Variants in PRICKLE2 observed in about 807,000 individuals in gnomAD.
PRICKLE2 encodes the protein prickle planar cell polarity protein 2.
In PRICKLE2, 21 loss-of-function variants were observed where a neutral mutation model predicts 81.4. The observed-to-expected ratio is 0.26, with a 90% CI of 0.18 to 0.37. PRICKLE2 has a LOEUF of 0.37. PRICKLE2 is among the 10% of genes least tolerant of loss of function. The pLI, the probability that PRICKLE2 is intolerant of heterozygous loss-of-function variation, is 1.00. For synonymous variants in PRICKLE2, 456 were observed against 421.5 expected, an observed-to-expected ratio of 1.08 and a Z score of -1.00; for missense variants, 940 against 1,109.0, an observed-to-expected ratio of 0.85 and a Z score of 2.16.
chr3:64,164,195 G>A (rs1056228124), intron 2 of PRICKLE2, among the ~76,000 whole-genome samples: 12 of 152,046 alleles, frequency 7.9e-5, no homozygotes, highest in Non-Finnish European at 1.8e-4. Context: ...TGGCCAACAC[G>A]GTGAAACCCC....
intron 2 of PRICKLE2, among the ~76,000 whole-genome samples, chr3:64,246,112 C>T (rs1034568448): frequency 3.3e-5 from 5 of 151,962 alleles, no homozygotes; most frequent in Admixed American, 1.3e-4. Context: ...TGTAGTGGTG[C>T]GTGCCTGTAG....
intron 2 of PRICKLE2, among the ~76,000 whole-genome samples, chr3:64,255,045 C>A (rs964157248): frequency 6.6e-6 from 1 of 152,134 alleles, no homozygotes; most frequent in Non-Finnish European, 1.5e-5. Flanking sequence ...GTAGAAGGAA[C>A]CTGAAAGCGC....
Position 64,095,660 on chromosome 3 carries a change from T to C in PRICKLE2, c.*3391A>G, listed in dbSNP as rs2076562357. 6.6e-6 allele frequency: 1 copy of C among 152,248 alleles called. No homozygotes were observed. The highest frequency in any genetic ancestry group is 1.5e-5 in the Non-Finnish European group (1 of 68,056). The allele number at this position is 152,248 out of a possible 1,614,324, so 9.4% of individuals were successfully genotyped here. ...GAAGGAAGAAAACATAATCTTGTTA[T>C]AGTGCAGGAACATCCTACAGGAAAT... On this transcript the variant is annotated 3_prime_UTR_variant, in exon 8 of 8. Coordinates refer to ENST00000638394, the MANE Select transcript of PRICKLE2 (RefSeq NM_198859.4).
At chr3:64,216,871 C>T (rs2078880129) in intron 1 of PRICKLE2, among the ~76,000 whole-genome samples, 1 of 152,216 alleles carries the variant, frequency 6.6e-6, no homozygotes. Flanking sequence ...CCAACCTCCA[C>T]AGGATGCAAG....
intron 1 of PRICKLE2, among the ~76,000 whole-genome samples, chr3:64,221,776 C>A (rs1390385981): frequency 6.6e-6 from 1 of 152,146 alleles, no homozygotes; most frequent in Non-Finnish European, 1.5e-5. Flanking sequence ...TTACAGACAG[C>A]ACAGAAGAAA....
At chr3:64,211,493 T>C (rs1224812686) in intron 1 of PRICKLE2, among the ~76,000 whole-genome samples, 1 of 152,212 alleles carries the variant, frequency 6.6e-6, no homozygotes, top group Non-Finnish European at 1.5e-5. Context: ...TAAGGGATGA[T>C]GTTTGCAATT....
intron 2 of PRICKLE2, among the ~76,000 whole-genome samples, chr3:64,245,931 G>C (rs369110878): frequency 6.6e-6 from 1 of 151,978 alleles, no homozygotes; most frequent in African/African-American, 2.4e-5. Context: ...TTTTCCTATC[G>C]GTTTGAGCTC....
chr3:64,114,816 T>C (rs1391431268), intron 7 of PRICKLE2, among the ~76,000 whole-genome samples: 1 of 152,164 alleles, frequency 6.6e-6, no homozygotes, highest in Non-Finnish European at 1.5e-5. Flanking sequence ...ATATCATTCA[T>C]GAGAACTTCC....
chr3:64,114,769 G>A (rs2076908902), intron 7 of PRICKLE2, among the ~76,000 whole-genome samples: 2 of 152,108 alleles, frequency 1.3e-5, no homozygotes, highest in African/African-American at 4.8e-5. Context: ...TGAAAGAGAT[G>A]GGGAGAATGG....
chr3:64,135,609 A>G (rs1306938650), intron 7 of PRICKLE2, among the ~76,000 whole-genome samples: 1 of 152,050 alleles, frequency 6.6e-6, no homozygotes, highest in African/African-American at 2.4e-5. Context: ...GCTGCCTCCC[A>G]GAGATGTGTG....
rs536486845 is a variant in PRICKLE2, at chr3:64,098,813, C to A, written c.*238G>T. ...ACTGATGGGAAGGAAGTGACCAAGCCTGGCCTCGATAGAGTCTACTGTGTT... is the reference window on the plus strand; with the variant it reads ...ACTGATGGGAAGGAAGTGACCAAGCATGGCCTCGATAGAGTCTACTGTGTT... On this transcript the variant is annotated 3_prime_UTR_variant, in exon 8 of 8. Transcript: ENST00000638394. 4 of 549,410 alleles carry A rather than the reference C, an allele frequency of 7.3e-6. No homozygotes were observed. Among genetic ancestry groups the A allele is most frequent in the Non-Finnish European group, 9.8e-6 (3 of 305,916 alleles). The allele number at this position is 549,410 out of a possible 1,614,324, so 34.0% of individuals were successfully genotyped here.
intron 7 of PRICKLE2, among the ~76,000 whole-genome samples, chr3:64,123,810 CA>C (rs1469168300): frequency 1.3e-5 from 2 of 152,144 alleles, no homozygotes; most frequent in Non-Finnish European, 2.9e-5. Context: ...TCCACTGACC[CA>C]CCATTCCCCC....
chr3:64,188,569 C>G (rs537257306), intron 2 of PRICKLE2, among the ~76,000 whole-genome samples: 201 of 152,122 alleles, frequency 1.3e-3, no homozygotes, highest in Non-Finnish European at 2.1e-3. Context: ...AACCACGGGA[C>G]GAGGCAGACC....
intron 1 of PRICKLE2, among the ~76,000 whole-genome samples, chr3:64,207,885 C>T (rs1175491787): frequency 6.6e-6 from 1 of 152,194 alleles, no homozygotes; most frequent in Non-Finnish European, 1.5e-5. Context: ...GCTGCGATAA[C>T]TTACATCACT....
chr3:64,141,895 G>C (rs1233284330), intron 7 of PRICKLE2: 1 of 984,674 alleles, frequency 1.0e-6, no homozygotes, highest in African/African-American at 1.7e-5. Flanking sequence ...TTATCTGAAG[G>C]ATCAAGGTGC....
chr3:64,207,537 C>A (rs2107130282), intron 1 of PRICKLE2, among the ~76,000 whole-genome samples: 1 of 152,276 alleles, frequency 6.6e-6, no homozygotes, highest in Admixed American at 6.5e-5. Flanking sequence ...GAGCCACCCA[C>A]ACATGCACAC....
chr3:64,192,716 G>C (rs1231470396), intron 2 of PRICKLE2, among the ~76,000 whole-genome samples: 2 of 152,158 alleles, frequency 1.3e-5, no homozygotes, highest in East Asian at 1.9e-4. Context: ...AGTCACACTT[G>C]GTATCTACCC....
chr3:64,228,232 G>C (rs1393550608), upstream of PRICKLE2, among the ~76,000 whole-genome samples: 1 of 152,204 alleles, frequency 6.6e-6, no homozygotes, highest in Non-Finnish European at 1.5e-5. Context: ...CATGGATCCT[G>C]CCTTAAAAGA....
intron 2 of PRICKLE2, among the ~76,000 whole-genome samples, chr3:64,262,911 C>T (rs112766687): frequency 6.6e-6 from 1 of 152,102 alleles, no homozygotes; most frequent in African/African-American, 2.4e-5. Context: ...AGTGGTGGAG[C>T]CACCGTTTTG....
Sources: allele counts gnomAD v4.1 joint callset (sites outside exome capture counted in the v4.1 genomes callset), GRCh38; gene constraint gnomAD v4.1.1; transcripts MANE v1.5; gene names NCBI Gene and HGNC (gene_info 2026-07-23, HGNC 2026-07-21).